AFF3: variants seen among roughly 807,000 people sequenced by gnomAD.
AFF3 encodes the protein AF4/FMR2 family member 3.
A neutral mutation model predicts 129.7 loss-of-function variants in AFF3; 32 were observed. The observed-to-expected ratio is 0.25, with a 90% CI of 0.19 to 0.33. AFF3 has a LOEUF of 0.33. Among genes scored for constraint, AFF3 ranks in the 10% least tolerant of loss-of-function variants. The pLI is 1.00. For missense variants in AFF3, 1,373 were observed against 1,592.0 expected, an observed-to-expected ratio of 0.86 and a Z score of 2.34; for synonymous variants, 644 against 635.4, an observed-to-expected ratio of 1.01 and a Z score of -0.20.
intron 7 of AFF3, among the ~76,000 whole-genome samples, chr2:99,911,130 A>G (rs1695085003): frequency 6.6e-6 from 1 of 152,188 alleles, no homozygotes; most frequent in Non-Finnish European, 1.5e-5. Context: ...CCTGGGGCGG[A>G]GCACCTTAGT....
At chr2:99,837,644 G>A in intron 7 of AFF3, 120 bp from the exon 8 acceptor site, 1 of 844,088 alleles carries the variant, frequency 1.2e-6, no homozygotes, top group South Asian at 1.5e-5. Context: ...CAGGTTGAGG[G>A]GATGCCTGAC....
At chr2:99,600,779 A>G (rs1046125706) in intron 14 of AFF3, among the ~76,000 whole-genome samples, 2 of 152,004 alleles carry the variant, frequency 1.3e-5, no homozygotes, top group African/African-American at 4.8e-5. Flanking sequence ...TCCCCTTCCT[A>G]CTTTAAAGTA....
intron 4 of AFF3, among the ~76,000 whole-genome samples, chr2:100,021,622 T>C (rs1683607787): frequency 2.0e-5 from 3 of 152,178 alleles, no homozygotes; most frequent in Admixed American, 1.3e-4. Flanking sequence ...TATTTGTTAT[T>C]TTATTTACCC....
chr2:100,052,183 A>G (rs140883623), intron 4 of AFF3, among the ~76,000 whole-genome samples: 112 of 152,344 alleles, frequency 7.4e-4, no homozygotes, highest in African/African-American at 2.5e-3. Context: ...TTGTTTTACC[A>G]AAGAACCTTA....
intron 4 of AFF3, among the ~76,000 whole-genome samples, chr2:100,093,440 AAAGT>A (rs1169120384): frequency 6.6e-6 from 1 of 151,600 alleles, no homozygotes; most frequent in African/African-American, 2.4e-5. Flanking sequence ...CTGAGGAATA[AAAGT>A]AAGGAAAAGA....
intron 5 of AFF3, chr2:100,007,732 T>C (rs1682106393): frequency 2.2e-6 from 1 of 449,404 alleles, no homozygotes; most frequent in African/African-American, 2.0e-5. Context: ...CCCAGCACTT[T>C]GGGAGGCCGA....
At chr2:99,993,212 C>T (rs974716593) in intron 7 of AFF3, among the ~76,000 whole-genome samples, 3 of 152,220 alleles carry the variant, frequency 2.0e-5, no homozygotes, top group Admixed American at 6.5e-5. Context: ...TCCCATGAAA[C>T]AGCCCCATGC....
intron 11 of AFF3, among the ~76,000 whole-genome samples, chr2:99,706,170 G>GT (rs1446708631): frequency 5.3e-5 from 8 of 152,072 alleles, no homozygotes; most frequent in African/African-American, 1.9e-4. Flanking sequence ...CATAAGGCAG[G>GT]TATTGGTAGA....
intron 7 of AFF3, among the ~76,000 whole-genome samples, chr2:99,892,185 G>A (rs1284285937): frequency 4.0e-5 from 6 of 151,892 alleles, no homozygotes; most frequent in African/African-American, 1.5e-4. Flanking sequence ...AAAATATATG[G>A]GCTCCAAAAT....
At chr2:100,032,818 A>G (rs538478769) in intron 4 of AFF3, among the ~76,000 whole-genome samples, 2 of 152,296 alleles carry the variant, frequency 1.3e-5, no homozygotes, top group East Asian at 1.9e-4. Flanking sequence ...GTGTGTCTTA[A>G]TTACTATAAA....
chr2:99,642,467 T>C lies in AFF3; in HGVS notation c.1184+7159A>G, dbSNP rs145260642. 9.3e-3 allele frequency among the ~76,000 whole-genome samples: 1,418 copies of C among 152,306 alleles called. 13 individuals are homozygous for C. Among genetic ancestry groups the C allele is most frequent in the African/African-American group, 0.032 (1,344 of 41,560 alleles). ...CTACCTGTGATTCCTGAGGCATCTG[T>C]TGCAAGGATGGATAGCCACAGTTGC... On this transcript the variant is annotated intron_variant, in intron 13 of 24. Coordinates refer to ENST00000672756, the MANE Select transcript of AFF3 (RefSeq NM_001386135.1).
At chr2:100,014,015 C>T (rs1682773733) in intron 4 of AFF3, among the ~76,000 whole-genome samples, 1 of 152,082 alleles carries the variant, frequency 6.6e-6, no homozygotes, top group Non-Finnish European at 1.5e-5. Context: ...TGCCCTCTGG[C>T]TGAGTCACAG....
At chr2:100,109,572 C>A (rs1217722176) in intron 2 of AFF3, among the ~76,000 whole-genome samples, 1 of 152,014 alleles carries the variant, frequency 6.6e-6, no homozygotes, top group African/African-American at 2.4e-5. Context: ...TCTTAATATC[C>A]CCACAGGTTC....
intron 13 of AFF3, 122 bp downstream of exon 13, chr2:99,649,504 G>A: frequency 9.0e-7 from 1 of 1,111,596 alleles, no homozygotes; most frequent in Non-Finnish European, 1.3e-6. Context: ...CATGCAAAAT[G>A]TTTAACATCC....
chr2:99,758,313 G>A (rs1471830989), intron 8 of AFF3, among the ~76,000 whole-genome samples: 1 of 152,174 alleles, frequency 6.6e-6, no homozygotes, highest in East Asian at 1.9e-4. Context: ...CGGGCAGAGT[G>A]GCTCATGCCT....
rs1693723428 is a variant in AFF3, at chr2:99,893,514, A to G, written c.874-55990T>C. 3.9e-5 allele frequency among the ~76,000 whole-genome samples: 6 copies of G among 152,186 alleles called. No individual in the cohort carries two copies. In the South Asian group the frequency reaches 1.2e-3, roughly 32 times the overall value. On this transcript the variant is annotated intron_variant, in intron 7 of 24. Coordinates refer to ENST00000672756, the MANE Select transcript of AFF3 (RefSeq NM_001386135.1). ...AGCCCTTGTGATGAGTGTCCTTGTA[A>G]GAAGAGACATCAGAGACACAGCACA...
At chr2:99,739,720 C>T (rs777069141) in intron 10 of AFF3, among the ~76,000 whole-genome samples, 3 of 152,006 alleles carry the variant, frequency 2.0e-5, no homozygotes, top group Non-Finnish European at 4.4e-5. Flanking sequence ...GAAGCACTGG[C>T]CTAAAATAAT....
chr2:100,059,245 C>G (rs1687041306), intron 4 of AFF3, among the ~76,000 whole-genome samples: 1 of 102,228 alleles, frequency 9.8e-6, no homozygotes, highest in South Asian at 3.8e-4. Context: ...AGAAGTGAGA[C>G]TCTGTCTCCA....
intron 4 of AFF3, among the ~76,000 whole-genome samples, chr2:100,057,858 A>G (rs1221946635): frequency 1.3e-5 from 2 of 152,376 alleles, no homozygotes; most frequent in South Asian, 2.1e-4. Context: ...CGTGTATTCC[A>G]TGAATCCCTC....
Sources: gnomAD v4.1 joint callset for allele counts (sites outside exome capture counted in the v4.1 genomes callset) on GRCh38, gnomAD v4.1.1 for gene constraint, MANE v1.5 for transcripts, NCBI Gene and HGNC (gene_info 2026-07-23, HGNC 2026-07-21) for gene names.